Variants in PNPLA7 observed in about 807,000 individuals in gnomAD.
PNPLA7 encodes patatin-like phospholipase domain-containing protein 7.
Under a neutral mutation model 161.7 loss-of-function variants are expected in PNPLA7, and 153 were observed. That is an observed-to-expected ratio of 0.95 (90% CI 0.83 to 1.08). The LOEUF is 1.08. PNPLA7 is among the 50% of genes least tolerant of loss of function. The pLI is 0.00. For missense variants in PNPLA7, 1,739 were observed against 1,856.6 expected (o/e 0.94, Z 1.16); for synonymous variants, 809 against 782.1 (o/e 1.03, Z -0.57).
In PNPLA7 at chr9:137,464,425, TCCAGCGCGG is replaced by T; in HGVS notation, c.3062_3070del (p.Ala1021_Leu1023del). 6.2e-7 allele frequency: 1 copy of T among 1,613,720 alleles called. No individual in the cohort carries two copies. Among genetic ancestry groups the T allele is most frequent in the Middle Eastern group, 1.6e-4 (1 of 6,062 alleles). On this transcript the variant is annotated inframe_deletion, in exon 27 of 35. Transcript: ENST00000406427. ...CATGGACGTGATGGGGTAGGTGAGG[TCCAGCGCGG>T]CCTTCATCAAGGACGTCATGCCCTG... is the stretch of plus-strand genomic sequence containing the variant.
rs1010395827 is a variant in PNPLA7, at chr9:137,540,301, G to A, written c.747+341C>T. Among the ~76,000 whole-genome samples the A allele has an allele frequency of 1.3e-5, 2 of 152,200 alleles. No homozygotes were observed. Among genetic ancestry groups the A allele is most frequent in the South Asian group, 2.1e-4 (1 of 4,828 alleles). ...AGGAAACGGGGGTGGCTGGTCCCTC[G>A]GGAGGGCCTTGGGCCTGAGGAGAGG... On this transcript the variant is annotated intron_variant, in intron 8 of 34. Coordinates refer to ENST00000406427, the MANE Select transcript of PNPLA7 (RefSeq NM_001098537.3). The surrounding 1 kb of genome is among the most constrained non-coding windows in gnomAD (Gnocchi z 5.1).
chr9:137,493,635 CA>C (rs1159242101), intron 19 of PNPLA7, among the ~76,000 whole-genome samples: 1 of 152,278 alleles, frequency 6.6e-6, no homozygotes, highest in Non-Finnish European at 1.5e-5. Context: ...ACAGCGGACC[CA>C]CTGGCTTCAC....
At chr9:137,521,911 G>C (rs1835013908) in intron 9 of PNPLA7, among the ~76,000 whole-genome samples, 195 bp from the exon 10 acceptor site, 1 of 152,138 alleles carries the variant, frequency 6.6e-6, no homozygotes, top group African/African-American at 2.4e-5. Context: ...ACGGGGAATG[G>C]GACAAGGGGC....
intron 12 of PNPLA7, among the ~76,000 whole-genome samples, chr9:137,513,407 C>T (rs551435004): frequency 3.1e-4 from 47 of 149,704 alleles, no homozygotes; most frequent in African/African-American, 1.1e-3. Context: ...ACCTGGGAGG[C>T]AGAAGTTGCG....
Position 137,540,438 on chromosome 9 carries a change from A to T in PNPLA7, c.747+204T>A, listed in dbSNP as rs1836132349. On this transcript the variant is annotated intron_variant, in intron 8 of 34. Coordinates refer to ENST00000406427, the MANE Select transcript of PNPLA7 (RefSeq NM_001098537.3). This position sits in a 1 kb window ranked among gnomAD's most constrained non-coding sequence, Gnocchi z 5.1. Reference sequence around the variant, plus strand: ...AGAGACAACCAAAACCGTTAGCCACATGCCCGGCTATTCTTCAACGCACTG... The same window carrying T: ...AGAGACAACCAAAACCGTTAGCCACTTGCCCGGCTATTCTTCAACGCACTG... 6.6e-6 allele frequency among the ~76,000 whole-genome samples: 1 copy of T among 152,236 alleles called. No homozygotes were observed. The highest frequency in any genetic ancestry group is 1.5e-5 in the Non-Finnish European group (1 of 68,052).
chr9:137,521,805 G>T (rs990304481), intron 9 of PNPLA7, 89 bp from the exon 10 acceptor site: 40 of 1,162,466 alleles, frequency 3.4e-5, no homozygotes, highest in Admixed American at 3.1e-4. Context: ...TGAGAACCGT[G>T]CCCCAAACCC....
At chr9:137,519,480 CTCA>C (rs1028011289) in intron 11 of PNPLA7, among the ~76,000 whole-genome samples, 2 of 152,218 alleles carry the variant, frequency 1.3e-5, no homozygotes, top group African/African-American at 4.8e-5. Context: ...ACATCCGGGC[CTCA>C]TGTGAGGAGA....
At position 137,540,564 on chromosome 9, in the gene PNPLA7, T is replaced by G; in HGVS notation, c.747+78A>C. On this transcript the variant is annotated intron_variant, in intron 8 of 34. Coordinates refer to ENST00000406427, the MANE Select transcript of PNPLA7 (RefSeq NM_001098537.3). This position sits in a 1 kb window ranked among gnomAD's most constrained non-coding sequence, Gnocchi z 5.1. The stretch of plus-strand genomic sequence containing the variant: ...GAACTGGCCTTTAACCACTACCAGC[T>G]GTCCAGACAAGACAGAAAAACCAGG... 7.7e-7 allele frequency: 1 copy of G among 1,292,404 alleles called. No homozygotes were observed. The highest frequency in any genetic ancestry group is 1.1e-6 in the Non-Finnish European group (1 of 921,516). 80.1% of individuals were successfully genotyped at this position (1,292,404 alleles called of 1,614,324 possible). A position where few individuals can be genotyped will look rare whatever the true frequency, so the allele number is the denominator to read the frequency against.
rs1436629403 is a variant in PNPLA7, at chr9:137,463,692, T to C, written c.3227-161A>G. 2.6e-5 allele frequency among the ~76,000 whole-genome samples: 4 copies of C among 151,862 alleles called. No homozygotes were observed. The South Asian group carries it at 6.2e-4, about 24-fold the overall frequency. ...GGCCCAAGGGCTGAACAAAATTGAG[T>C]TCTTTCTCTGGGGTCGCACTGCATT... On this transcript the variant is annotated intron_variant, in intron 28 of 34. Coordinates refer to ENST00000406427, the MANE Select transcript of PNPLA7 (RefSeq NM_001098537.3).
chr9:137,538,006 C>G (rs1400917539), intron 8 of PNPLA7, among the ~76,000 whole-genome samples: 1 of 152,136 alleles, frequency 6.6e-6, no homozygotes, highest in Admixed American at 6.5e-5. Context: ...CCACAGGTGC[C>G]CCTTACACAT....
In PNPLA7 at chr9:137,514,370, G is replaced by A. The variant is rs370215574; in HGVS notation, c.1225+1009C>T. On this transcript the variant is annotated intron_variant, in intron 12 of 34. Transcript: ENST00000406427. ...GCTGCGGGCGGGTCACCCGGATGTT[G>A]AGGTGCCTGGGCCCTGTGGCTGGGC... 7.0e-5 allele frequency among the ~76,000 whole-genome samples: 10 copies of A among 142,010 alleles called. No homozygotes were observed. The South Asian group carries it at 1.3e-3, about 19-fold the overall frequency. The allele number at this position is 142,010 out of a possible 152,430, so 93.2% of individuals were successfully genotyped here.
chr9:137,540,854 A>G lies in PNPLA7; in HGVS notation c.667-132T>C, dbSNP rs760926364. On this transcript the variant is annotated intron_variant, in intron 7 of 34. Transcript: ENST00000406427. The surrounding 1 kb of genome is among the most constrained non-coding windows in gnomAD (Gnocchi z 5.1). ...CTGAGGCGCCATGAGAGCAGCAGGC[A>G]CCTTGGATGGAGGGCAGGGGACAAG... 2.7e-6 allele frequency: 2 copies of G among 738,018 alleles called. No individual in the cohort carries two copies. Among genetic ancestry groups the G allele is most frequent in the Non-Finnish European group, 4.6e-6 (2 of 432,070 alleles). 45.7% of individuals were successfully genotyped at this position (738,018 alleles called of 1,614,324 possible).
intron 24 of PNPLA7, 155 bp from the exon 25 acceptor site, chr9:137,478,307 G>T: frequency 3.9e-6 from 2 of 509,824 alleles, no homozygotes; most frequent in Non-Finnish European, 6.1e-6. Flanking sequence ...GATACGACTG[G>T]TCAGCACCTC....
intron 26 of PNPLA7, among the ~76,000 whole-genome samples, chr9:137,465,842 G>A (rs903880605): frequency 4.6e-5 from 7 of 152,144 alleles, no homozygotes; most frequent in Admixed American, 3.9e-4. Flanking sequence ...AAAAGCAAGC[G>A]CAGCGCTGAG....
Position 137,463,471 on chromosome 9 carries a change from C to G in PNPLA7, c.3287G>C (p.Cys1096Ser). Reference protein sequence around the residue: ...MSLSGYMPPLCDPKDGHLLMD... With the variant: ...MSLSGYMPPLSDPKDGHLLMD... ...CAGCAGGTGTCCGTCCTTCGGGTCA[C>G]AGAGAGGGGGCATGTAACCGGACAG... is the stretch of plus-strand genomic sequence containing the variant. The change falls in exon 29 of 35, where the codon TGT (cysteine) becomes TCT (serine). Residue 1096 changes from cysteine to serine, a missense_variant. Transcript: ENST00000406427. 1 of 1,595,446 alleles carries G rather than the reference C, an allele frequency of 6.3e-7. No homozygotes were observed.
At chr9:137,485,843 G>A (rs1436764235) in intron 20 of PNPLA7, among the ~76,000 whole-genome samples, 7 of 152,160 alleles carry the variant, frequency 4.6e-5, no homozygotes, top group African/African-American at 7.2e-5. Context: ...GGGCCCCTCG[G>A]CCAGCACAGT....
chr9:137,529,971 T>G (rs1274383074), intron 8 of PNPLA7, among the ~76,000 whole-genome samples: 1 of 148,808 alleles, frequency 6.7e-6, no homozygotes, highest in Non-Finnish European at 1.5e-5. Context: ...AAGTTTGAAT[T>G]TTTTTTTTCC....
chr9:137,514,907 G>A (rs918776554), intron 12 of PNPLA7, among the ~76,000 whole-genome samples: 14 of 151,848 alleles, frequency 9.2e-5, no homozygotes, highest in African/African-American at 2.9e-4. Flanking sequence ...TGATGTGCCC[G>A]GGCCCTGTGG....
At chr9:137,463,328 G>T in intron 29 of PNPLA7, 87 bp downstream of exon 29, 1 of 1,200,860 alleles carries the variant, frequency 8.3e-7, no homozygotes, top group Non-Finnish European at 1.2e-6. Context: ...AGGCTTCTTG[G>T]AGCGGAGGCA....
Sources: allele counts gnomAD v4.1 joint callset (sites outside exome capture counted in the v4.1 genomes callset), GRCh38; gene constraint gnomAD v4.1.1; non-coding constraint Gnocchi (gnomAD v3.1); transcripts MANE v1.5; gene names NCBI Gene and HGNC (gene_info 2026-07-23, HGNC 2026-07-21).